NRG1: variants seen among roughly 807,000 people sequenced by gnomAD.
NRG1 encodes pro-neuregulin-1, membrane-bound isoform.
NRG1 carries 18 observed loss-of-function variants against 63.8 expected under a neutral mutation model. The observed-to-expected ratio is 0.28, with a 90% CI of 0.19 to 0.42. NRG1 has a LOEUF of 0.42. Among genes scored for constraint, NRG1 ranks in the 10% least tolerant of loss-of-function variants. The pLI, the probability that NRG1 is intolerant of heterozygous loss-of-function variation, is 1.00. For synonymous variants in NRG1, 302 were observed against 301.3 expected, an observed-to-expected ratio of 1.00 and a Z score of -0.02; for missense variants, 762 against 814.7, an observed-to-expected ratio of 0.94 and a Z score of 0.79.
chr8:32,538,750 T>C (rs763427409), intron 1 of NRG1, among the ~76,000 whole-genome samples: 1 of 152,246 alleles, frequency 6.6e-6, no homozygotes, highest in Non-Finnish European at 1.5e-5. Flanking sequence ...ATTATCTGCA[T>C]ACGTTTATAG....
At chr8:31,925,215 A>G (rs1834263740) in intron 1 of NRG1, among the ~76,000 whole-genome samples, 1 of 18,904 alleles carries the variant, frequency 5.3e-5, no homozygotes, top group Admixed American at 5.6e-4. Flanking sequence ...AGGTATGTCA[A>G]AATCTCAAAC....
At chr8:32,102,927 G>A (rs797022271) in intron 1 of NRG1, among the ~76,000 whole-genome samples, 8 of 151,930 alleles carry the variant, frequency 5.3e-5, no homozygotes, top group African/African-American at 1.9e-4. Flanking sequence ...TACACAGTAG[G>A]TGTCTATATT....
chr8:32,473,558 C>T (rs1199274277), intron 1 of NRG1, among the ~76,000 whole-genome samples: 2 of 152,156 alleles, frequency 1.3e-5, no homozygotes, highest in Non-Finnish European at 2.9e-5. Context: ...GGTTTCTAGA[C>T]CAAATATACC....
intron 1 of NRG1, among the ~76,000 whole-genome samples, chr8:32,071,059 T>G (rs540641043): frequency 3.9e-5 from 6 of 152,214 alleles, no homozygotes; most frequent in Admixed American, 3.9e-4. Context: ...CTGAACCACC[T>G]CCTTCTTATC....
intron 1 of NRG1, among the ~76,000 whole-genome samples, chr8:32,135,975 A>G (rs1835460240): frequency 8.5e-6 from 1 of 117,612 alleles, no homozygotes; most frequent in Non-Finnish European, 2.1e-5. Flanking sequence ...ATGTTTTGAA[A>G]AAGAGAAGGT....
At position 31,858,418 on chromosome 8, in the gene NRG1, G is replaced by C. The variant is rs1828149660; in HGVS notation, c.37+218987G>C. On this transcript the variant is annotated intron_variant, in intron 1 of 10. Transcript: ENST00000519301. ...TTGATAAGTGGATGCCTCATGAGCT[G>C]AGAGAAAATTAAAAAATCATTATTT... is the stretch of plus-strand genomic sequence containing the variant. 2.0e-5 allele frequency among the ~76,000 whole-genome samples: 3 copies of C among 152,162 alleles called. No individual in the cohort carries two copies. In the South Asian group the frequency reaches 6.2e-4, roughly 31 times the overall value.
At chr8:32,751,735 A>G (rs941358642) in intron 7 of NRG1, among the ~76,000 whole-genome samples, 3 of 152,146 alleles carry the variant, frequency 2.0e-5, no homozygotes, top group Admixed American at 6.5e-5. Context: ...TTTGGCCTTT[A>G]CTGAGCTACC....
chr8:31,912,166 A>G (rs942199066), intron 1 of NRG1, among the ~76,000 whole-genome samples: 2 of 152,224 alleles, frequency 1.3e-5, no homozygotes, highest in African/African-American at 2.4e-5. Context: ...CACAGGGCCA[A>G]ATGCAATCAT....
At chr8:32,209,908 G>T (rs1844512648) in intron 1 of NRG1, among the ~76,000 whole-genome samples, 1 of 152,130 alleles carries the variant, frequency 6.6e-6, no homozygotes, top group South Asian at 2.1e-4. Context: ...GGGTCTCTTT[G>T]TTATACAGGA....
At chr8:32,392,350 C>T (rs1167149984) in intron 1 of NRG1, among the ~76,000 whole-genome samples, 1 of 152,186 alleles carries the variant, frequency 6.6e-6, no homozygotes, top group East Asian at 1.9e-4. Flanking sequence ...AGGATTCTTA[C>T]ATCCCATAAA....
At chr8:32,156,684 G>A (rs1838113176) in intron 1 of NRG1, among the ~76,000 whole-genome samples, 1 of 152,228 alleles carries the variant, frequency 6.6e-6, no homozygotes, top group Non-Finnish European at 1.5e-5. Context: ...GCACTGATGT[G>A]CCTAACAGGA....
At chr8:32,186,279 C>G (rs1177549889) in intron 1 of NRG1, among the ~76,000 whole-genome samples, 1 of 151,904 alleles carries the variant, frequency 6.6e-6, no homozygotes, top group Non-Finnish European at 1.5e-5. Flanking sequence ...CTGGCTAACA[C>G]AGTGAAACCC....
intron 1 of NRG1, among the ~76,000 whole-genome samples, chr8:32,085,317 A>C (rs1290072547): frequency 6.6e-6 from 1 of 152,234 alleles, no homozygotes; most frequent in East Asian, 1.9e-4. Flanking sequence ...TGTGCTAGAA[A>C]GATTTTTCAG....
chr8:32,038,737 G>A (rs189528671), intron 1 of NRG1, among the ~76,000 whole-genome samples: 95 of 152,180 alleles, frequency 6.2e-4, no homozygotes, highest in African/African-American at 2.2e-3. Context: ...AAGACTGGGG[G>A]CTGTGAGAGG....
rs538964771 is a variant in NRG1 at position 32,221,821 on chromosome 8, G to GA, written c.38-374000dup. 7.9e-5 allele frequency among the ~76,000 whole-genome samples: 12 copies of GA among 152,076 alleles called. No homozygotes were observed. In the South Asian group the frequency reaches 2.5e-3, roughly 32 times the overall value. On this transcript the variant is annotated intron_variant, in intron 1 of 10. Transcript: ENST00000519301. ...TATTTTTTTTAAACTGGTCTAAAAGGAAAAAAATTGAACATATATCTTTAT... is the reference window on the plus strand; with the variant it reads ...TATTTTTTTTAAACTGGTCTAAAAGGAAAAAAAATTGAACATATATCTTTAT...
intron 1 of NRG1, among the ~76,000 whole-genome samples, chr8:32,112,643 C>T (rs1832183863): frequency 6.6e-6 from 1 of 152,184 alleles, no homozygotes; most frequent in African/African-American, 2.4e-5. Flanking sequence ...CCCCTAAAGG[C>T]TGAGTTAATG....
chr8:32,341,794 G>T (rs377290907), intron 1 of NRG1, among the ~76,000 whole-genome samples: 3 of 152,146 alleles, frequency 2.0e-5, no homozygotes, highest in Admixed American at 6.5e-5. Context: ...CAAAGTACAA[G>T]TATAGAGTAT....
chr8:32,243,736 G>T (rs1848349318), intron 1 of NRG1, among the ~76,000 whole-genome samples: 1 of 152,076 alleles, frequency 6.6e-6, no homozygotes, highest in Non-Finnish European at 1.5e-5. Flanking sequence ...TGTTTGAGAT[G>T]GGGCGTCTGT....
chr8:31,795,142 T>G (rs1362919141), intron 1 of NRG1, among the ~76,000 whole-genome samples: 2 of 152,144 alleles, frequency 1.3e-5, no homozygotes, highest in Non-Finnish European at 2.9e-5. Context: ...AGCTTCTTTA[T>G]CAGGTGCTGC....
Sources: gnomAD v4.1 joint callset for allele counts (sites outside exome capture counted in the v4.1 genomes callset) on GRCh38, gnomAD v4.1.1 for gene constraint, MANE v1.5 for transcripts, NCBI Gene and HGNC (gene_info 2026-07-23, HGNC 2026-07-21) for gene names.